The following NLGN4Y variants were observed in gnomAD, a reference collection of about 807,000 sequenced individuals.
NLGN4Y encodes the protein neuroligin-4, Y-linked.
A neutral mutation model predicts 8.4 loss-of-function variants in NLGN4Y; 4 were observed. The ratio of observed to expected loss-of-function variants is 0.48; its 90% confidence interval spans 0.23 to 1.09. NLGN4Y has a LOEUF of 1.09. Ranked by LOEUF, NLGN4Y falls within the 50% of genes least tolerant of loss-of-function variation. The probability of loss-of-function intolerance (pLI) is 0.19; values close to 1 mark genes in which losing one functional copy is unlikely to be tolerated. For synonymous variants in NLGN4Y, 35 were observed against 75.6 expected (o/e 0.46, Z 2.78); for missense variants, 90 against 192.3 (o/e 0.47, Z 3.15).
intron 1 of NLGN4Y, among the ~76,000 whole-genome samples, chrY:14,588,576 T>A: frequency 3.0e-5 from 1 of 33,776 alleles, no homozygotes; most frequent in Non-Finnish European, 7.3e-5. Context: ...GTCACATACA[T>A]ATGCATATCT....
intron 2 of NLGN4Y, among the ~76,000 whole-genome samples, chrY:14,675,648 A>G (rs955419057): frequency 6.2e-5 from 2 of 32,353 alleles, no homozygotes; most frequent in South Asian, 1.5e-3. Flanking sequence ...TAAAACAGAA[A>G]TTTATTTCTC....
chrY:14,544,935 C>G (rs2080164034), intron 1 of NLGN4Y, among the ~76,000 whole-genome samples: 1 of 29,112 alleles, frequency 3.4e-5, no homozygotes, highest in Non-Finnish European at 8.3e-5. Context: ...CCCCCTTCCC[C>G]CCACCCCACA....
chrY:14,676,392 G>T, intron 2 of NLGN4Y, among the ~76,000 whole-genome samples: 1 of 33,595 alleles, frequency 3.0e-5, no homozygotes, highest in African/African-American at 1.2e-4. Context: ...CGTCTTTTTA[G>T]TGATGATCCT....
At chrY:14,577,953 T>A in intron 1 of NLGN4Y, among the ~76,000 whole-genome samples, 1 of 33,120 alleles carries the variant, frequency 3.0e-5, no homozygotes, top group Non-Finnish European at 7.4e-5. Context: ...GAAACCATCA[T>A]TCTCAGCAAA....
intron 2 of NLGN4Y, among the ~76,000 whole-genome samples, chrY:14,638,941 G>A (rs777052053): frequency 3.0e-5 from 1 of 33,770 alleles, no homozygotes; most frequent in Non-Finnish European, 7.3e-5. Flanking sequence ...CACCTTATTT[G>A]GAAATATGGT....
At chrY:14,802,855 C>A (rs2043041690) in intron 4 of NLGN4Y, among the ~76,000 whole-genome samples, 1 of 20,477 alleles carries the variant, frequency 4.9e-5, no homozygotes, top group Admixed American at 6.0e-4. Context: ...AAATATATAT[C>A]ATATATAAAA....
At chrY:14,611,555 GTTTA>G (rs757837636) in intron 1 of NLGN4Y, among the ~76,000 whole-genome samples, 1,423 of 26,885 alleles carry the variant, frequency 0.053, no homozygotes, top group Admixed American at 0.095. Context: ...TTGTTTGTTT[GTTTA>G]TTTATTTATT....
intron 1 of NLGN4Y, among the ~76,000 whole-genome samples, chrY:14,579,384 T>A: frequency 3.0e-5 from 1 of 33,033 alleles, no homozygotes; most frequent in Non-Finnish European, 7.4e-5. Flanking sequence ...GAGTGATTAG[T>A]TCAGGAGTAA....
intron 1 of NLGN4Y, among the ~76,000 whole-genome samples, chrY:14,547,899 C>T (rs2080178065): frequency 3.1e-5 from 1 of 32,650 alleles, no homozygotes; most frequent in Non-Finnish European, 7.5e-5. Flanking sequence ...TAGAAATTTG[C>T]AAACCGTTAG....
At chrY:14,784,686 A>T (rs757034867) in intron 4 of NLGN4Y, among the ~76,000 whole-genome samples, 178 of 32,351 alleles carry the variant, frequency 5.5e-3, no homozygotes, top group Non-Finnish European at 0.012. Flanking sequence ...AGACACATGC[A>T]TGCATATGTT....
At chrY:14,530,822 T>A in intron 1 of NLGN4Y, among the ~76,000 whole-genome samples, 2 of 33,279 alleles carry the variant, frequency 6.0e-5, no homozygotes, top group Non-Finnish European at 1.5e-4. Context: ...AAACCCAGCA[T>A]TGACTTTCAA....
chrY:14,554,733 T>G (rs2080205834), intron 1 of NLGN4Y, among the ~76,000 whole-genome samples: 1 of 33,691 alleles, frequency 3.0e-5, no homozygotes, highest in African/African-American at 1.2e-4. Context: ...CTTTTTATAT[T>G]CATAGTTGTA....
chrY:14,690,014 G>C (rs937966375), intron 2 of NLGN4Y, among the ~76,000 whole-genome samples: 45 of 33,330 alleles, frequency 1.4e-3, no homozygotes, highest in African/African-American at 5.3e-3. Flanking sequence ...CTGAAGGATG[G>C]TGGATCTGAT....
intron 1 of NLGN4Y, among the ~76,000 whole-genome samples, chrY:14,591,110 G>A: frequency 3.1e-5 from 1 of 32,548 alleles, no homozygotes; most frequent in African/African-American, 1.2e-4. Flanking sequence ...GTACTGATAA[G>A]GTCTGATTTC....
At chrY:14,765,026 CAT>C (rs2081089835) in intron 4 of NLGN4Y, among the ~76,000 whole-genome samples, 56 of 33,985 alleles carry the variant, frequency 1.6e-3, no homozygotes, top group African/African-American at 5.5e-3. Context: ...AACAAATACA[CAT>C]AGTGATAGTT....
chrY:14,798,695 T>C, intron 4 of NLGN4Y: 1 of 33,935 alleles, frequency 2.9e-5, no homozygotes, highest in Non-Finnish European at 7.3e-5. Context: ...ATATCTTATG[T>C]AGAAGAGTTT....
intron 2 of NLGN4Y, among the ~76,000 whole-genome samples, chrY:14,653,987 C>G: frequency 2.9e-5 from 1 of 34,250 alleles, no homozygotes; most frequent in Non-Finnish European, 7.3e-5. Context: ...TGGCCTGTAT[C>G]TTCAATTAGA....
chrY:14,663,826 A>T, intron 2 of NLGN4Y, among the ~76,000 whole-genome samples: 1 of 32,782 alleles, frequency 3.1e-5, no homozygotes, highest in African/African-American at 1.2e-4. Context: ...AAAGTACATT[A>T]TCTTTATATT....
intron 6 of NLGN4Y, among the ~76,000 whole-genome samples, chrY:14,834,493 T>C (rs2043190378): frequency 3.0e-5 from 1 of 33,891 alleles, no homozygotes; most frequent in Non-Finnish European, 7.3e-5. Context: ...AATAACAGAG[T>C]GTATTAATGC....
Sources: allele counts gnomAD v4.1 joint callset (sites outside exome capture counted in the v4.1 genomes callset), GRCh38; gene constraint gnomAD v4.1.1; transcripts MANE v1.5; gene names NCBI Gene and HGNC (gene_info 2026-07-23, HGNC 2026-07-21).